FMN1: variants seen among roughly 807,000 people sequenced by gnomAD.
FMN1 encodes formin 1, also known as formin-1.
A neutral mutation model predicts 132.4 loss-of-function variants in FMN1; 110 were observed. The observed-to-expected ratio is 0.83, with a 90% confidence interval of 0.71 to 0.97. The LOEUF (loss-of-function observed/expected upper bound fraction) is 0.97, where lower values mean the gene tolerates loss of function less well. Ranked by LOEUF, FMN1 falls within the 50% of genes least tolerant of loss-of-function variation. FMN1 has a pLI of 0.00. For missense variants in FMN1, 1,792 were observed against 1,705.3 expected, an observed-to-expected ratio of 1.05 and a Z score of -0.90; for synonymous variants, 722 against 651.7, an observed-to-expected ratio of 1.11 and a Z score of -1.64.
intron 9 of FMN1, among the ~76,000 whole-genome samples, chr15:32,952,799 C>T (rs569061130): frequency 2.6e-5 from 4 of 152,158 alleles, no homozygotes; most frequent in Non-Finnish European, 5.9e-5. Context: ...AATGAAAACA[C>T]GAAAACTCAG....
chr15:33,066,925 C>A (rs778539483), intron 5 of FMN1: 1 of 1,613,890 alleles, frequency 6.2e-7, no homozygotes, highest in Admixed American at 1.7e-5. Flanking sequence ...GCAGCCCTGC[C>A]TGCACTAAGG....
At chr15:33,127,631 C>T (rs985641308) in intron 4 of FMN1, among the ~76,000 whole-genome samples, 1 of 136,210 alleles carries the variant, frequency 7.3e-6, no homozygotes, top group Non-Finnish European at 1.6e-5. Context: ...CAAGTATTTT[C>T]CAATCAAACT....
chr15:33,088,539 C>T (rs971454599), intron 5 of FMN1, among the ~76,000 whole-genome samples: 1 of 152,142 alleles, frequency 6.6e-6, no homozygotes, highest in Admixed American at 6.5e-5. Flanking sequence ...GGCTGCAAAG[C>T]TAATGAACAG....
At chr15:33,070,196 G>A (rs2037940324) in intron 5 of FMN1, among the ~76,000 whole-genome samples, 1 of 151,194 alleles carries the variant, frequency 6.6e-6, no homozygotes, top group Admixed American at 6.6e-5. Context: ...GTAGAGACAA[G>A]GTTTCTCCAT....
At chr15:32,930,169 T>C (rs907107339) in intron 9 of FMN1, among the ~76,000 whole-genome samples, 1 of 151,918 alleles carries the variant, frequency 6.6e-6, no homozygotes, top group Non-Finnish European at 1.5e-5. Flanking sequence ...TTTTGCATTT[T>C]TAGTAGACGG....
chr15:32,960,294 AACTC>A (rs1331206648), intron 9 of FMN1, among the ~76,000 whole-genome samples: 1 of 152,132 alleles, frequency 6.6e-6, no homozygotes, highest in African/African-American at 2.4e-5. Flanking sequence ...ATCTCGTGAG[AACTC>A]ACTCACTATC....
At chr15:33,002,298 A>T (rs1293080061) in intron 7 of FMN1, among the ~76,000 whole-genome samples, 1 of 152,198 alleles carries the variant, frequency 6.6e-6, no homozygotes, top group East Asian at 1.9e-4. Context: ...AAAATCTAAC[A>T]ATGATAGCTG....
intron 19 of FMN1, among the ~76,000 whole-genome samples, chr15:32,777,345 T>C (rs75499970): frequency 0.012 from 1,813 of 151,810 alleles, 34 homozygotes; most frequent in African/African-American, 0.041. Context: ...TAAGATGTGA[T>C]AACCTATAGA....
intron 7 of FMN1, among the ~76,000 whole-genome samples, chr15:32,997,725 T>C (rs1238977873): frequency 6.6e-6 from 1 of 152,134 alleles, no homozygotes; most frequent in Non-Finnish European, 1.5e-5. Flanking sequence ...CCTGAAAATG[T>C]TCTAGAACAC....
intron 6 of FMN1, among the ~76,000 whole-genome samples, chr15:33,052,018 G>C (rs888715686): frequency 1.3e-5 from 2 of 152,122 alleles, no homozygotes; most frequent in African/African-American, 4.8e-5. Flanking sequence ...GCTGCCTTAT[G>C]TCCCTTGGTC....
intron 15 of FMN1, among the ~76,000 whole-genome samples, chr15:32,896,248 A>C (rs1416315251): frequency 6.6e-6 from 1 of 151,944 alleles, no homozygotes; most frequent in African/African-American, 2.4e-5. Flanking sequence ...ATAGCTCTAT[A>C]ATATATTAGA....
At chr15:33,106,415 A>G (rs936417044) in intron 4 of FMN1, among the ~76,000 whole-genome samples, 38 of 152,010 alleles carry the variant, frequency 2.5e-4, no homozygotes, top group Admixed American at 9.2e-4. Flanking sequence ...ATGATTCTAC[A>G]AAAGTGTATA....
intron 7 of FMN1, among the ~76,000 whole-genome samples, chr15:32,996,882 C>T (rs780004954): frequency 3.3e-5 from 5 of 152,094 alleles, no homozygotes; most frequent in South Asian, 4.2e-4. Context: ...ACCCCATAGG[C>T]CTGTTAAGGA....
chr15:32,860,924 A>G (rs2059254068), intron 16 of FMN1: 1 of 152,216 alleles, frequency 6.6e-6, no homozygotes, highest in Non-Finnish European at 1.5e-5. Flanking sequence ...CTGATTGGGT[A>G]GTTCTCAAGG....
chr15:33,180,744 C>CT (rs35033683), intron 2 of FMN1, among the ~76,000 whole-genome samples: 27,703 of 108,194 alleles, frequency 0.26, 4,683 homozygotes, highest in Non-Finnish European at 0.36. Context: ...CTCCTGCTGC[C>CT]TTTTTTTTTT....
At position 33,120,292 on chromosome 15, in the gene FMN1, T is replaced by G. The variant is rs28576918; in HGVS notation, c.1868-31318A>C. Reference sequence around the variant, plus strand: ...AAAACTTGGCACACCCTGCTAAAGATAGCAGATGTGCTAACTCCAGTCACT... The same window carrying G: ...AAAACTTGGCACACCCTGCTAAAGAGAGCAGATGTGCTAACTCCAGTCACT... On this transcript the variant is annotated intron_variant, in intron 4 of 20. Transcript: ENST00000616417. 4.8e-3 allele frequency among the ~76,000 whole-genome samples: 730 copies of G among 152,308 alleles called. 3 individuals are homozygous for G. Among genetic ancestry groups the G allele is most frequent in the African/African-American group, 0.017 (710 of 41,576 alleles).
chr15:32,824,871 G>A (rs1234467015), intron 17 of FMN1, among the ~76,000 whole-genome samples: 1 of 152,164 alleles, frequency 6.6e-6, no homozygotes, highest in Admixed American at 6.5e-5. Context: ...CATTTCCCCT[G>A]CTCTGCTGAA....
intron 4 of FMN1, among the ~76,000 whole-genome samples, chr15:33,149,529 G>A (rs560274231): frequency 6.6e-6 from 1 of 152,234 alleles, no homozygotes; most frequent in South Asian, 2.1e-4. Flanking sequence ...ATTTATGTAA[G>A]CTAAATTCCT....
At chr15:32,788,603 CCT>C (rs1567168016) in intron 19 of FMN1, among the ~76,000 whole-genome samples, 3 of 152,308 alleles carry the variant, frequency 2.0e-5, no homozygotes, top group Non-Finnish European at 2.9e-5. Flanking sequence ...CAGGCAGCCC[CCT>C]GTTGCATCTC....
Sources: gnomAD v4.1 joint callset for allele counts (sites outside exome capture counted in the v4.1 genomes callset) on GRCh38, gnomAD v4.1.1 for gene constraint, MANE v1.5 for transcripts, NCBI Gene and HGNC (gene_info 2026-07-23, HGNC 2026-07-21) for gene names.